The following ARID1B variants were observed in gnomAD, a reference collection of about 807,000 sequenced individuals.
ARID1B encodes the protein AT-rich interaction domain 1B.
In ARID1B, 30 loss-of-function variants were observed where a neutral mutation model predicts 212.3. The observed-to-expected ratio is 0.14, with a 90% CI of 0.11 to 0.19. ARID1B has a LOEUF of 0.19. Among genes scored for constraint, ARID1B ranks in the 10% least tolerant of loss-of-function variants. The pLI, the probability that ARID1B is intolerant of heterozygous loss-of-function variation, is 1.00. For missense variants in ARID1B, 2,891 were observed against 3,204.0 expected (o/e 0.90, Z 2.36); for synonymous variants, 1,402 against 1,301.7 (o/e 1.08, Z -1.66).
At chr6:156,964,728 T>A (rs1024555694) in intron 4 of ARID1B, among the ~76,000 whole-genome samples, 1 of 152,238 alleles carries the variant, frequency 6.6e-6, no homozygotes, top group Non-Finnish European at 1.5e-5. Flanking sequence ...AAATTTATTT[T>A]CATTAATATT....
At chr6:156,946,516 G>A (rs961679659) in intron 4 of ARID1B, among the ~76,000 whole-genome samples, 4 of 152,102 alleles carry the variant, frequency 2.6e-5, no homozygotes, top group Non-Finnish European at 4.4e-5. Flanking sequence ...ATAGTATTTC[G>A]AAAGTCTAGA....
At chr6:157,020,312 A>T (rs971438202) in intron 4 of ARID1B, among the ~76,000 whole-genome samples, 10 of 152,118 alleles carry the variant, frequency 6.6e-5, no homozygotes, top group Non-Finnish European at 1.3e-4. Flanking sequence ...TTAGTCATTT[A>T]CCCCCATACA....
At chr6:157,157,857 C>T (rs1212073176) in intron 8 of ARID1B, among the ~76,000 whole-genome samples, 1 of 152,098 alleles carries the variant, frequency 6.6e-6, no homozygotes, top group Non-Finnish European at 1.5e-5. Flanking sequence ...CCAGTCTTTA[C>T]AGAAAGTGAA....
chr6:157,063,665 T>C (rs1381796196), intron 4 of ARID1B, among the ~76,000 whole-genome samples: 1 of 152,252 alleles, frequency 6.6e-6, no homozygotes, highest in Non-Finnish European at 1.5e-5. Flanking sequence ...GTACTTCTAA[T>C]GAGTCAGACT....
chr6:156,884,735 C>T (rs918074359), intron 2 of ARID1B, among the ~76,000 whole-genome samples: 3 of 152,188 alleles, frequency 2.0e-5, no homozygotes, highest in Non-Finnish European at 4.4e-5. Flanking sequence ...TCAGGAACCA[C>T]CGAATGCCCA....
At chr6:157,009,008 G>A (rs1779406348) in intron 4 of ARID1B, among the ~76,000 whole-genome samples, 1 of 152,144 alleles carries the variant, frequency 6.6e-6, no homozygotes, top group South Asian at 2.1e-4. Flanking sequence ...TTAGCTTTTA[G>A]GCCAACCCTT....
chr6:157,188,619 C>CG (rs1273165929), intron 13 of ARID1B, among the ~76,000 whole-genome samples: 2 of 152,082 alleles, frequency 1.3e-5, no homozygotes, highest in African/African-American at 4.8e-5. Context: ...GCCATTTGTT[C>CG]GGGGGGTTCT....
At chr6:156,844,346 T>G (rs1784093360) in intron 2 of ARID1B, among the ~76,000 whole-genome samples, 1 of 152,234 alleles carries the variant, frequency 6.6e-6, no homozygotes, top group Non-Finnish European at 1.5e-5. Flanking sequence ...ACTCTGTCTG[T>G]GTATCCAGAG....
At chr6:157,014,336 A>G (rs1054522988) in intron 4 of ARID1B, among the ~76,000 whole-genome samples, 15 of 152,194 alleles carry the variant, frequency 9.9e-5, no homozygotes, top group Non-Finnish European at 2.1e-4. Context: ...GTTCTCCACT[A>G]CTGATTCTGT....
At chr6:156,829,804 T>A (rs1378325466) in intron 2 of ARID1B, 1 of 159,132 alleles carries the variant, frequency 6.3e-6, no homozygotes, top group African/African-American at 2.4e-5. Context: ...TTCAAGTCAT[T>A]TAAAGGTCTT....
chr6:156,932,148 G>A (rs928239437), intron 3 of ARID1B, among the ~76,000 whole-genome samples: 15 of 128,128 alleles, frequency 1.2e-4, no homozygotes, highest in Non-Finnish European at 2.1e-4. Context: ...AAAAAAAAGG[G>A]GGGGGGCGGG....
chr6:157,056,875 C>CT (rs1255907430), intron 4 of ARID1B, among the ~76,000 whole-genome samples: 2 of 147,584 alleles, frequency 1.4e-5, no homozygotes, highest in African/African-American at 2.5e-5. Context: ...AACTTTTCTT[C>CT]TTTTTTTGTT....
intron 6 of ARID1B, among the ~76,000 whole-genome samples, chr6:157,124,380 C>T (rs1787991306): frequency 6.6e-6 from 1 of 152,238 alleles, no homozygotes; most frequent in Admixed American, 6.5e-5. Context: ...GCACAAAAAA[C>T]AATAGCAGTA....
At chr6:156,928,046 T>C (rs1014448841) in intron 3 of ARID1B, among the ~76,000 whole-genome samples, 2 of 152,172 alleles carry the variant, frequency 1.3e-5, no homozygotes, top group Admixed American at 6.5e-5. Flanking sequence ...CCACTTGGAC[T>C]GGCTGAAAGG....
rs1562494872 is a variant in ARID1B, at chr6:156,934,952, AT to A, written c.2137-513del. On this transcript the variant is annotated intron_variant, in intron 3 of 19. Coordinates refer to ENST00000636930, the MANE Select transcript of ARID1B (RefSeq NM_001374828.1). ...TATATATATATATATATATATATAT[AT>A]ATATATATAGTTTATATTTCTGCTG... Among the ~76,000 whole-genome samples the A allele has an allele frequency of 2.9e-3, 243 of 83,860 alleles. 4 individuals carry two copies. The highest frequency in any genetic ancestry group is 0.024 in the East Asian group (62 of 2,576). 55.0% of individuals were successfully genotyped at this position (83,860 alleles called of 152,430 possible).
At chr6:157,043,792 T>C (rs992967670) in intron 4 of ARID1B, among the ~76,000 whole-genome samples, 3 of 152,216 alleles carry the variant, frequency 2.0e-5, no homozygotes, top group Non-Finnish European at 4.4e-5. Flanking sequence ...GATATATTCA[T>C]TGTTAATGTT....
chr6:157,007,413 ACTAGGGT>A (rs1423321861), intron 4 of ARID1B, among the ~76,000 whole-genome samples: 1 of 152,192 alleles, frequency 6.6e-6, no homozygotes, highest in African/African-American at 2.4e-5. Flanking sequence ...TTGCTGCCAG[ACTAGGGT>A]CAACGATTTT....
chr6:157,023,636 T>G (rs1427888851), intron 4 of ARID1B: 1 of 152,204 alleles, frequency 6.6e-6, no homozygotes, highest in East Asian at 1.9e-4. Context: ...AGTCACTATT[T>G]TATGTTATTT....
chr6:157,205,169 T>C (rs1794357827), intron 19 of ARID1B: 1 of 152,248 alleles, frequency 6.6e-6, no homozygotes, highest in East Asian at 1.9e-4. Context: ...CCTTGGAACA[T>C]TGTGCCTTCA....
Sources: allele counts gnomAD v4.1 joint callset (sites outside exome capture counted in the v4.1 genomes callset), GRCh38; gene constraint gnomAD v4.1.1; transcripts MANE v1.5; gene names NCBI Gene and HGNC (gene_info 2026-07-23, HGNC 2026-07-21).